Variants in TCERG1L observed in about 807,000 individuals in gnomAD.
TCERG1L encodes transcription elongation regulator 1 like.
A neutral mutation model predicts 56.3 loss-of-function variants in TCERG1L; 37 were observed. The observed-to-expected ratio is 0.66, with a 90% confidence interval of 0.51 to 0.87. The LOEUF (loss-of-function observed/expected upper bound fraction) is 0.87, where lower values mean the gene tolerates loss of function less well. TCERG1L is among the 40% of genes least tolerant of loss of function. The probability of loss-of-function intolerance (pLI) is 0.00; values close to 1 mark genes in which losing one functional copy is unlikely to be tolerated. For missense variants in TCERG1L, 799 were observed against 774.2 expected (o/e 1.03, Z -0.38); for synonymous variants, 324 against 326.3 (o/e 0.99, Z 0.08).
At chr10:131,204,692 C>T (rs1845497222) in intron 4 of TCERG1L, among the ~76,000 whole-genome samples, 1 of 152,178 alleles carries the variant, frequency 6.6e-6, no homozygotes, top group Non-Finnish European at 1.5e-5. Context: ...ACCAATGAGC[C>T]TGCGGGTAAG....
chr10:131,309,834 C>CAAAAAAAAAAAAA lies in TCERG1L; in HGVS notation c.343-548_343-536dup, dbSNP rs58892586. On this transcript the variant is annotated intron_variant, in intron 1 of 11. Coordinates refer to ENST00000368642, the MANE Select transcript of TCERG1L (RefSeq NM_174937.4). ...TCACCAATACAAATAGATTCTATGGCAAAAAAAAAAAAAAAAAAAAAAAAA... is the reference window on the plus strand; with the variant it reads ...TCACCAATACAAATAGATTCTATGGCAAAAAAAAAAAAAAAAAAAAAAAAAAAAAAAAAAAAAA... Among the ~76,000 whole-genome samples, 57 of 49,854 alleles carry CAAAAAAAAAAAAA rather than the reference C, an allele frequency of 1.1e-3. 5 individuals are homozygous for CAAAAAAAAAAAAA. Among genetic ancestry groups the CAAAAAAAAAAAAA allele is most frequent in the Non-Finnish European group, 1.5e-3 (44 of 28,716 alleles). The allele number at this position is 49,854 out of a possible 152,430, so 32.7% of individuals were successfully genotyped here.
intron 4 of TCERG1L, among the ~76,000 whole-genome samples, chr10:131,231,512 G>A (rs557289023): frequency 1.9e-4 from 29 of 152,280 alleles, no homozygotes; most frequent in Admixed American, 1.2e-3. Flanking sequence ...TGCAGAGCTT[G>A]TGGCTCTGCC....
chr10:131,120,811 C>T lies in TCERG1L; in HGVS notation c.1260-3877G>A, dbSNP rs1198942580. Among the ~76,000 whole-genome samples, 4 of 152,342 alleles carry T rather than the reference C, an allele frequency of 2.6e-5. 2 individuals are homozygous for T. The highest frequency in any genetic ancestry group is 9.6e-5 in the African/African-American group (4 of 41,590). On this transcript the variant is annotated intron_variant, in intron 8 of 11. Coordinates refer to ENST00000368642, the MANE Select transcript of TCERG1L (RefSeq NM_174937.4). ...GATTCAGTGAGATGGTCCACATCGA[C>T]CTCTCGGAGCGACCCCTCCTGCTCC... is the stretch of plus-strand genomic sequence containing the variant.
intron 4 of TCERG1L, among the ~76,000 whole-genome samples, chr10:131,197,278 T>A (rs1845376195): frequency 6.6e-6 from 1 of 151,594 alleles, no homozygotes; most frequent in Non-Finnish European, 1.5e-5. Flanking sequence ...GCCTCCCAGG[T>A]TCACACCATT....
At chr10:131,135,381 C>A (rs56937411) in intron 7 of TCERG1L, among the ~76,000 whole-genome samples, 1 of 152,132 alleles carries the variant, frequency 6.6e-6, no homozygotes, top group Non-Finnish European at 1.5e-5. Context: ...ATGAAAACAG[C>A]GCTCAGCTCA....
intron 7 of TCERG1L, among the ~76,000 whole-genome samples, chr10:131,142,801 A>G (rs1845753117): frequency 6.6e-6 from 1 of 152,190 alleles, no homozygotes; most frequent in African/African-American, 2.4e-5. Flanking sequence ...GCCCCCCACC[A>G]TTCCCAAGCA....
intron 4 of TCERG1L, among the ~76,000 whole-genome samples, chr10:131,199,529 T>G (rs890142340): frequency 1.3e-5 from 2 of 151,870 alleles, no homozygotes; most frequent in Non-Finnish European, 2.9e-5. Context: ...TCCCTCAGTT[T>G]CCAATACCTT....
At position 131,112,120 on chromosome 10, in the gene TCERG1L, C is replaced by T. The variant is rs187554501; in HGVS notation, c.1395+4679G>A. 4.8e-4 allele frequency among the ~76,000 whole-genome samples: 68 copies of T among 143,120 alleles called. 10 individuals carry two copies. Among genetic ancestry groups the T allele is most frequent in the Non-Finnish European group, 9.1e-4 (58 of 63,426 alleles). 93.9% of individuals were successfully genotyped at this position (143,120 alleles called of 152,430 possible). A position where few individuals can be genotyped will look rare whatever the true frequency, so the allele number is the denominator to read the frequency against. On this transcript the variant is annotated intron_variant, in intron 9 of 11. Transcript: ENST00000368642. ...ACCCCTGAGAGTGGGGGAATGGGCC[C>T]GGCCACACGGCACTCCCAGTGGCCA... is the stretch of plus-strand genomic sequence containing the variant.
At chr10:131,234,781 G>A (rs113515487) in intron 4 of TCERG1L, among the ~76,000 whole-genome samples, 6,275 of 152,232 alleles carry the variant, frequency 0.041, 196 homozygotes, top group Non-Finnish European at 0.066. Context: ...TTGGCTCACC[G>A]CCACCTCCGC....
chr10:131,190,248 C>T (rs1347816447), intron 4 of TCERG1L, among the ~76,000 whole-genome samples: 1 of 151,906 alleles, frequency 6.6e-6, no homozygotes, highest in Non-Finnish European at 1.5e-5. Flanking sequence ...GCTGAGCACA[C>T]CAAAAAACAA....
intron 4 of TCERG1L, among the ~76,000 whole-genome samples, chr10:131,205,323 G>A (rs1845507495): frequency 6.7e-6 from 1 of 149,654 alleles, no homozygotes; most frequent in Non-Finnish European, 1.5e-5. Flanking sequence ...TCAGAAATGT[G>A]AAGCTATGAA....
intron 4 of TCERG1L, among the ~76,000 whole-genome samples, chr10:131,214,903 C>T (rs920351960): frequency 6.6e-6 from 1 of 152,204 alleles, no homozygotes; most frequent in African/African-American, 2.4e-5. Context: ...TTATTCCATG[C>T]CAAGGACTCC....
chr10:131,235,545 A>C (rs947568275), intron 4 of TCERG1L, among the ~76,000 whole-genome samples: 1 of 152,164 alleles, frequency 6.6e-6, no homozygotes, highest in Admixed American at 6.5e-5. Context: ...GGCAACTACT[A>C]TAATTTAGTA....
At chr10:131,292,285 AC>A (rs1846636806) in intron 3 of TCERG1L, among the ~76,000 whole-genome samples, 1 of 152,186 alleles carries the variant, frequency 6.6e-6, no homozygotes, top group East Asian at 1.9e-4. Context: ...TTTTTATCAA[AC>A]GATGCATCTT....
intron 6 of TCERG1L, among the ~76,000 whole-genome samples, chr10:131,151,636 T>C (rs1273965332): frequency 6.6e-6 from 1 of 152,190 alleles, no homozygotes; most frequent in South Asian, 2.1e-4. Context: ...TAGGTGAATC[T>C]ACCATTCTGG....
intron 4 of TCERG1L, among the ~76,000 whole-genome samples, chr10:131,241,998 G>C (rs569876720): frequency 6.6e-6 from 1 of 152,262 alleles, no homozygotes; most frequent in Admixed American, 6.5e-5. Flanking sequence ...AAAATGTTGA[G>C]GGAAAACAAT....
At chr10:131,188,846 A>T in intron 4 of TCERG1L, among the ~76,000 whole-genome samples, 1 of 152,234 alleles carries the variant, frequency 6.6e-6, no homozygotes. Context: ...ACTGTCACGG[A>T]AAGTAATAAA....
intron 8 of TCERG1L, among the ~76,000 whole-genome samples, chr10:131,128,214 T>C (rs1403879298): frequency 6.6e-6 from 1 of 151,930 alleles, no homozygotes; most frequent in East Asian, 1.9e-4. Flanking sequence ...AATGATGTCA[T>C]AGAAGGAATA....
At chr10:131,256,369 T>C (rs901926174) in intron 4 of TCERG1L, among the ~76,000 whole-genome samples, 6 of 152,196 alleles carry the variant, frequency 3.9e-5, no homozygotes, top group Non-Finnish European at 8.8e-5. Context: ...TCCCAGCTGT[T>C]CTGTGGCAGG....
Sources: gnomAD v4.1 joint callset for allele counts (sites outside exome capture counted in the v4.1 genomes callset) on GRCh38, gnomAD v4.1.1 for gene constraint, MANE v1.5 for transcripts, NCBI Gene and HGNC (gene_info 2026-07-23, HGNC 2026-07-21) for gene names.